TMC1: variants seen among roughly 807,000 people sequenced by gnomAD.
TMC1 encodes the protein transmembrane channel like 1, also known as transmembrane channel-like protein 1.
In TMC1, 84 loss-of-function variants were observed where a neutral mutation model predicts 105.8. That is an observed-to-expected ratio of 0.79 (90% confidence interval 0.67 to 0.95). The LOEUF (loss-of-function observed/expected upper bound fraction) is 0.95. TMC1 is among the 40% of genes least tolerant of loss of function. The probability of loss-of-function intolerance (pLI) is 0.00; values close to 1 mark genes in which losing one functional copy is unlikely to be tolerated. For synonymous variants in TMC1, 315 were observed against 311.5 expected, an observed-to-expected ratio of 1.01 and a Z score of -0.12; for missense variants, 817 against 914.1, an observed-to-expected ratio of 0.89 and a Z score of 1.37.
chr9:72,835,966 G>A lies in TMC1; in HGVS notation c.2276G>A (p.Arg759His), dbSNP rs765191961. The change falls in exon 24 of 24, where the codon CGC (arginine) becomes CAC (histidine). Residue 759 changes from arginine (R) to histidine (H), a missense_variant. Physicochemically the swap from Arg to His is conservative, Grantham distance 29. Coordinates refer to ENST00000297784, the MANE Select transcript of TMC1 (RefSeq NM_138691.3). ...AAARAAAAAG[R>H]Q ...TTGTGAACAGCTGCAGCTGCTGGTCGCCAGTAATAAGTATCCTGAGAGCCC... is the reference window on the plus strand; with the variant it reads ...TTGTGAACAGCTGCAGCTGCTGGTCACCAGTAATAAGTATCCTGAGAGCCC... 3.2e-5 allele frequency: 50 copies of A among 1,550,332 alleles called. No homozygotes were observed. The highest frequency in any genetic ancestry group is 2.0e-4 in the South Asian group (18 of 90,008).
At chr9:72,794,943 C>T (rs184244646) in intron 17 of TMC1, among the ~76,000 whole-genome samples, 1 of 152,278 alleles carries the variant, frequency 6.6e-6, no homozygotes, top group East Asian at 1.9e-4. Flanking sequence ...TAATAGGTCT[C>T]ATAAGGCTGA....
chr9:72,837,428 G>T lies in TMC1; in HGVS notation c.*1455G>T, dbSNP rs1829143031. 1 of 152,082 alleles carries T rather than the reference G, an allele frequency of 6.6e-6. No individual in the cohort carries two copies. Among genetic ancestry groups the T allele is most frequent in the Admixed American group, 6.6e-5 (1 of 15,266 alleles). The allele number at this position is 152,082 out of a possible 1,614,324, so 9.4% of individuals were successfully genotyped here. ...CATTCCTGTGGGATGGGTGGTGGGGGGCCTCTCTTGCCCTGCTTATGTTTT... is the reference window on the plus strand; with the variant it reads ...CATTCCTGTGGGATGGGTGGTGGGGTGCCTCTCTTGCCCTGCTTATGTTTT... On this transcript the variant is annotated 3_prime_UTR_variant, in exon 24 of 24. Transcript: ENST00000297784.
chr9:72,802,648 G>C (rs1475650880), intron 17 of TMC1, among the ~76,000 whole-genome samples: 1 of 152,058 alleles, frequency 6.6e-6, no homozygotes, highest in East Asian at 1.9e-4. Flanking sequence ...TGAGAATAAA[G>C]AGACCATGTA....
At chr9:72,615,489 A>G (rs758884300) in intron 2 of TMC1, among the ~76,000 whole-genome samples, 1 of 152,322 alleles carries the variant, frequency 6.6e-6, no homozygotes, top group Non-Finnish European at 1.5e-5. Context: ...AACCCAGGTA[A>G]TAAGTCCCAT....
At chr9:72,835,915 GTT>G (rs754537281) in intron 23 of TMC1, 34 bp from the exon 24 acceptor site, 159,693 of 1,282,536 alleles carry the variant, frequency 0.12, 867 homozygotes, top group Non-Finnish European at 0.14. Flanking sequence ...CTCTCTCCTT[GTT>G]TTTTTTTTTT....
chr9:72,824,877 T>A (rs921884212), intron 20 of TMC1, among the ~76,000 whole-genome samples: 2 of 152,228 alleles, frequency 1.3e-5, no homozygotes, highest in African/African-American at 4.8e-5. Flanking sequence ...TAAACTGTCT[T>A]TGGCTTGGAG....
chr9:72,562,225 T>C (rs1824067289), intron 1 of TMC1, among the ~76,000 whole-genome samples: 1 of 152,136 alleles, frequency 6.6e-6, no homozygotes, highest in South Asian at 2.1e-4. Context: ...AAGTCAAGGG[T>C]CTTGCAGGTT....
chr9:72,574,478 G>C (rs892030583), intron 1 of TMC1, among the ~76,000 whole-genome samples: 1 of 152,214 alleles, frequency 6.6e-6, no homozygotes. Flanking sequence ...AAGCAACCCA[G>C]ATTAAAGTTG....
intron 2 of TMC1, among the ~76,000 whole-genome samples, chr9:72,578,529 A>G (rs946888479): frequency 6.6e-6 from 1 of 152,172 alleles, no homozygotes; most frequent in African/African-American, 2.4e-5. Context: ...TAGACAGTGC[A>G]GCTTTTAGTT....
intron 1 of TMC1, among the ~76,000 whole-genome samples, chr9:72,527,946 C>T (rs1823433299): frequency 6.6e-6 from 1 of 152,106 alleles, no homozygotes; most frequent in Non-Finnish European, 1.5e-5. Context: ...TTCAGTGTTC[C>T]TGTTTTCTTG....
chr9:72,689,026 A>G (rs1238064969), intron 6 of TMC1, among the ~76,000 whole-genome samples: 1 of 152,172 alleles, frequency 6.6e-6, no homozygotes, highest in Non-Finnish European at 1.5e-5. Context: ...GAAAAGGCAT[A>G]TAATTTCATA....
At chr9:72,723,422 C>T (rs897531941) in intron 8 of TMC1, among the ~76,000 whole-genome samples, 17 of 152,156 alleles carry the variant, frequency 1.1e-4, no homozygotes, top group Non-Finnish European at 2.9e-5. Context: ...TGATCTACCA[C>T]AATTGCCTGC....
At chr9:72,755,199 T>C (rs185263627) in intron 12 of TMC1, among the ~76,000 whole-genome samples, 2 of 152,136 alleles carry the variant, frequency 1.3e-5, no homozygotes, top group Non-Finnish European at 2.9e-5. Flanking sequence ...TATATGGGAA[T>C]ATAGACTACT....
At position 72,685,199 on chromosome 9, in the gene TMC1, C is replaced by T. The variant is rs1245676368; in HGVS notation, c.17-3510C>T. The stretch of plus-strand genomic sequence containing the variant: ...TCAGCTCACTGCAAGCTCCGCCTCC[C>T]GGGTTCATACCATTCTCCTGTTTCA... On this transcript the variant is annotated intron_variant, in intron 5 of 23. Coordinates refer to ENST00000297784, the MANE Select transcript of TMC1 (RefSeq NM_138691.3). 7.4e-5 allele frequency among the ~76,000 whole-genome samples: 11 copies of T among 148,830 alleles called. No individual in the cohort carries two copies. The East Asian group carries it at 1.2e-3, about 16-fold the overall frequency.
chr9:72,649,866 G>C (rs1825772122), intron 5 of TMC1, among the ~76,000 whole-genome samples: 1 of 152,148 alleles, frequency 6.6e-6, no homozygotes, highest in South Asian at 2.1e-4. Context: ...AACTTTTTAA[G>C]TGCCCAGTAG....
In TMC1 at chr9:72,647,284, CTTT is replaced by C. The variant is rs1825731038; in HGVS notation, c.-52-1309_-52-1307del. On this transcript the variant is annotated intron_variant, in intron 4 of 23. Transcript: ENST00000297784. ...AATGTAGTTTAATTCATCTATTTTT[CTTT>C]TTTAATTGTCTTCAGTTTCTTTAGT... Among the ~76,000 whole-genome samples the C allele has an allele frequency of 1.0e-4, 15 of 149,374 alleles. No individual in the cohort carries two copies. The South Asian group carries it at 3.2e-3, about 32-fold the overall frequency.
chr9:72,778,911 C>G (rs1260878043), intron 13 of TMC1, among the ~76,000 whole-genome samples: 1 of 152,314 alleles, frequency 6.6e-6, no homozygotes, highest in Admixed American at 6.5e-5. Flanking sequence ...ACACAACCAC[C>G]TGCAGCCTCC....
intron 17 of TMC1, among the ~76,000 whole-genome samples, chr9:72,793,178 T>C (rs549733048): frequency 2.7e-4 from 41 of 152,232 alleles, no homozygotes; most frequent in African/African-American, 9.4e-4. Context: ...GCTTTTCTTT[T>C]TGGGCTTCCT....
intron 4 of TMC1, among the ~76,000 whole-genome samples, chr9:72,643,557 C>CT (rs1253913385): frequency 1.3e-5 from 2 of 152,052 alleles, no homozygotes; most frequent in South Asian, 2.1e-4. Flanking sequence ...AGCATGTGCT[C>CT]TTTTTTTTGT....
Sources: gnomAD v4.1 joint callset for allele counts (sites outside exome capture counted in the v4.1 genomes callset) on GRCh38, gnomAD v4.1.1 for gene constraint, MANE v1.5 for transcripts, NCBI Gene and HGNC (gene_info 2026-07-23, HGNC 2026-07-21) for gene names.